PDE1A: variants seen among roughly 807,000 people sequenced by gnomAD.
PDE1A encodes dual specificity calcium/calmodulin-dependent 3',5'-cyclic nucleotide phosphodiesterase 1A.
A neutral mutation model predicts 61.7 loss-of-function variants in PDE1A; 35 were observed. The observed-to-expected ratio is 0.57, with a 90% CI of 0.43 to 0.75. The LOEUF (loss-of-function observed/expected upper bound fraction) is 0.75. PDE1A is among the 30% of genes least tolerant of loss of function. The probability of loss-of-function intolerance (pLI) is 0.00; values close to 1 mark genes in which losing one functional copy is unlikely to be tolerated. For synonymous variants in PDE1A, 232 were observed against 213.2 expected, an observed-to-expected ratio of 1.09 and a Z score of -0.77; for missense variants, 597 against 630.6, an observed-to-expected ratio of 0.95 and a Z score of 0.57.
At chr2:182,538,811 G>GT in the PDE1A span, among the ~76,000 whole-genome samples, 1 of 152,072 alleles carries the variant, frequency 6.6e-6, no homozygotes, top group African/African-American at 2.4e-5. Flanking sequence ...ATTTTAAGTG[G>GT]TAAAAAGTAC....
At chr2:182,493,481 T>C (rs1435917565) in intron 2 of PDE1A, among the ~76,000 whole-genome samples, 2 of 152,088 alleles carry the variant, frequency 1.3e-5, no homozygotes, top group Non-Finnish European at 2.9e-5. Flanking sequence ...CCTTCCTGTA[T>C]CCAAGTGTTC....
chr2:182,475,251 A>G (rs1687280282), intron 2 of PDE1A, among the ~76,000 whole-genome samples: 1 of 151,934 alleles, frequency 6.6e-6, no homozygotes. Flanking sequence ...AGGAAAAAAG[A>G]CCAAGATGAG....
At chr2:182,249,812 G>A (rs1241099661) in intron 2 of PDE1A, among the ~76,000 whole-genome samples, 1 of 149,152 alleles carries the variant, frequency 6.7e-6, no homozygotes, top group Non-Finnish European at 1.5e-5. Context: ...AGAACTGTTT[G>A]AGGATCGATA....
At chr2:182,176,822 T>G (rs1440741859) in intron 13 of PDE1A, among the ~76,000 whole-genome samples, 1 of 151,124 alleles carries the variant, frequency 6.6e-6, no homozygotes, top group Non-Finnish European at 1.5e-5. Flanking sequence ...GGCTGTGGGT[T>G]TGTCATAGAT....
At chr2:182,526,717 G>A (rs1371780562), upstream of PDE1A, among the ~76,000 whole-genome samples, 1 of 152,156 alleles carries the variant, frequency 6.6e-6, no homozygotes, top group African/African-American at 2.4e-5. Context: ...AGGTTACCTA[G>A]AATAAGGAAA....
At chr2:182,391,632 A>G (rs962034760) in intron 1 of PDE1A, among the ~76,000 whole-genome samples, 1 of 152,206 alleles carries the variant, frequency 6.6e-6, no homozygotes, top group Non-Finnish European at 1.5e-5. Context: ...TGGGAACCAC[A>G]ATCACTCAAC....
the PDE1A span, among the ~76,000 whole-genome samples, chr2:182,685,957 T>A: frequency 6.6e-6 from 1 of 152,322 alleles, no homozygotes; most frequent in South Asian, 2.1e-4. Flanking sequence ...GCAATCTTAA[T>A]CATCATATAT....
At chr2:182,158,947 A>C (rs1362411442) in intron 13 of PDE1A, among the ~76,000 whole-genome samples, 1 of 152,180 alleles carries the variant, frequency 6.6e-6, no homozygotes, top group Admixed American at 6.5e-5. Context: ...TTTTTGCATA[A>C]TTACTGGGAA....
intron 2 of PDE1A, among the ~76,000 whole-genome samples, chr2:182,504,908 A>G (rs1213979596): frequency 6.6e-6 from 1 of 152,238 alleles, no homozygotes; most frequent in Non-Finnish European, 1.5e-5. Flanking sequence ...AAACTTCAAG[A>G]TTACCTTGCT....
intron 1 of PDE1A, among the ~76,000 whole-genome samples, chr2:182,276,943 G>A (rs1268927636): frequency 2.0e-5 from 3 of 151,958 alleles, no homozygotes; most frequent in East Asian, 1.9e-4. Context: ...AAAAAATCCC[G>A]TCCTGGTAAA....
the PDE1A span, among the ~76,000 whole-genome samples, chr2:182,591,008 A>C: frequency 6.6e-6 from 1 of 152,240 alleles, no homozygotes; most frequent in African/African-American, 2.4e-5. Flanking sequence ...GAAGATGCTC[A>C]ATATAACCTA....
chr2:182,607,089 G>A, the PDE1A span, among the ~76,000 whole-genome samples: 1 of 152,160 alleles, frequency 6.6e-6, no homozygotes, highest in Non-Finnish European at 1.5e-5. Flanking sequence ...GTAAGGAAGA[G>A]GAATTGGTCA....
the PDE1A span, among the ~76,000 whole-genome samples, chr2:182,569,273 A>ATATATATATATATATATG: frequency 3.3e-5 from 5 of 150,194 alleles, no homozygotes; most frequent in African/African-American, 1.2e-4. Flanking sequence ...ATATATATAT[A>ATATATATATATATATATG]TATGTATTTC....
intron 2 of PDE1A, among the ~76,000 whole-genome samples, chr2:182,494,613 C>T (rs575618564): frequency 1.3e-5 from 2 of 152,294 alleles, no homozygotes; most frequent in Admixed American, 6.5e-5. Flanking sequence ...GACATTCTGG[C>T]TCCTTTTAGT....
the PDE1A span, among the ~76,000 whole-genome samples, chr2:182,628,588 A>G: frequency 1.3e-5 from 2 of 152,182 alleles, no homozygotes; most frequent in Non-Finnish European, 2.9e-5. Context: ...AATGTATAGT[A>G]TTAGTACTCT....
chr2:182,444,938 T>A (rs1045259061), intron 2 of PDE1A, among the ~76,000 whole-genome samples: 1 of 152,054 alleles, frequency 6.6e-6, no homozygotes, highest in South Asian at 2.1e-4. Context: ...GCTAAAACAG[T>A]CCTGAGATAC....
chr2:182,240,190 C>A, exon 3 of PDE1A: 2 of 1,613,914 alleles, frequency 1.2e-6, no homozygotes, highest in Non-Finnish European at 1.7e-6. Context: ...TTTTTGTCAT[C>A]CCCATTTTCC....
rs776816620 is a variant in PDE1A, at chr2:182,417,147, C to G, written c.53+9431G>C. ...GCACTTGGCTGGCCAATGAAGAATTCTCCCTATTCCTGAGACTTTCCCAAA... is the reference window on the plus strand; with the variant it reads ...GCACTTGGCTGGCCAATGAAGAATTGTCCCTATTCCTGAGACTTTCCCAAA... On this transcript the variant is annotated intron_variant, in intron 1 of 13. Transcript: ENST00000351439. 3.6e-4 allele frequency among the ~76,000 whole-genome samples: 55 copies of G among 152,352 alleles called. No individual in the cohort carries two copies. In the Middle Eastern group the frequency reaches 0.01, roughly 28 times the overall value.
At chr2:182,498,118 C>T (rs766673264) in intron 2 of PDE1A, among the ~76,000 whole-genome samples, 28 of 149,012 alleles carry the variant, frequency 1.9e-4, no homozygotes, top group Non-Finnish European at 3.7e-4. Context: ...TCCATTCACA[C>T]TGAATGTCAA....
Sources: allele counts gnomAD v4.1 joint callset (sites outside exome capture counted in the v4.1 genomes callset), GRCh38; gene constraint gnomAD v4.1.1; transcripts MANE v1.5; gene names NCBI Gene and HGNC (gene_info 2026-07-23, HGNC 2026-07-21).